Variants in SYNCRIP observed in about 807,000 individuals in gnomAD.
The protein encoded by SYNCRIP is heterogeneous nuclear ribonucleoprotein Q.
A neutral mutation model predicts 68.9 loss-of-function variants in SYNCRIP; 9 were observed. The ratio of observed to expected loss-of-function variants is 0.13; its 90% CI spans 0.08 to 0.23. SYNCRIP has a LOEUF of 0.23. Ranked by LOEUF, SYNCRIP falls within the 10% of genes least tolerant of loss-of-function variation. SYNCRIP has a pLI of 1.00. For missense variants in SYNCRIP, 414 were observed against 770.6 expected (o/e 0.54, Z 5.48); for synonymous variants, 258 against 254.0 (o/e 1.02, Z -0.15).
chr6:85,639,832 G>A (rs544676505), intron 4 of SYNCRIP, among the ~76,000 whole-genome samples: 63 of 152,190 alleles, frequency 4.1e-4, no homozygotes, highest in Non-Finnish European at 5.1e-4. Flanking sequence ...GAGGGCAGCA[G>A]GGTTAACATT....
At position 85,642,510 on chromosome 6, in the gene SYNCRIP, G is replaced by A. The variant is rs1439838602; in HGVS notation, c.-13+287C>T. Among the ~76,000 whole-genome samples the A allele has an allele frequency of 2.6e-5, 4 of 152,196 alleles. No homozygotes were observed. In the South Asian group the frequency reaches 6.2e-4, roughly 24 times the overall value. On this transcript the variant is annotated intron_variant, in intron 1 of 10. Transcript: ENST00000369622. ...ACTCCCGCGCCGCGGCGACCGCCAC[G>A]ACAGCACCAACTCTGAAGCCGCTCG...
At chr6:85,622,711 G>C (rs2128285362) in intron 7 of SYNCRIP, 24 bp from the exon 8 acceptor site, 2 of 1,587,960 alleles carry the variant, frequency 1.3e-6, no homozygotes, top group East Asian at 4.5e-5. Flanking sequence ...ACCATTCCAG[G>C]AAAATTAGAT....
chr6:85,633,794 G>A (rs1026715615), intron 6 of SYNCRIP, among the ~76,000 whole-genome samples: 7 of 151,942 alleles, frequency 4.6e-5, no homozygotes, highest in Admixed American at 1.3e-4. Context: ...ACAGGTGCAC[G>A]CTGCCTGGCT....
intron 6 of SYNCRIP, among the ~76,000 whole-genome samples, chr6:85,630,978 C>T (rs144422370): frequency 8.5e-4 from 130 of 152,238 alleles, no homozygotes; most frequent in South Asian, 2.5e-3. Flanking sequence ...GAAAAGAAAG[C>T]ATCAGTCATA....
intron 6 of SYNCRIP, among the ~76,000 whole-genome samples, chr6:85,624,805 T>C (rs948262490): frequency 6.6e-6 from 1 of 152,214 alleles, no homozygotes; most frequent in Non-Finnish European, 1.5e-5. Context: ...ATTAGTATTA[T>C]TTACAAACCC....
chr6:85,632,393 C>G (rs1807900850), intron 6 of SYNCRIP, among the ~76,000 whole-genome samples: 1 of 152,142 alleles, frequency 6.6e-6, no homozygotes, highest in African/African-American at 2.4e-5. Flanking sequence ...TTGGATAGAA[C>G]TGTAACAAGT....
intron 3 of SYNCRIP, 30 bp downstream of exon 3, chr6:85,640,413 ATTT>A: frequency 6.3e-7 from 1 of 1,584,330 alleles, no homozygotes; most frequent in Non-Finnish European, 8.6e-7. Flanking sequence ...AACTACTCAA[ATTT>A]TTTAATTTTC....
At chr6:85,633,692 CCT>C (rs1491251334) in intron 6 of SYNCRIP, among the ~76,000 whole-genome samples, 4 of 151,986 alleles carry the variant, frequency 2.6e-5, no homozygotes, top group South Asian at 4.1e-4. Flanking sequence ...TTTTTTTCCC[CCT>C]TTTTGGTTTT....
intron 4 of SYNCRIP, among the ~76,000 whole-genome samples, chr6:85,637,948 T>C (rs1005600117): frequency 1.3e-5 from 2 of 152,170 alleles, no homozygotes; most frequent in African/African-American, 2.4e-5. Flanking sequence ...AAAACGACTT[T>C]TAAAAACTTT....
intron 6 of SYNCRIP, among the ~76,000 whole-genome samples, chr6:85,630,690 A>AT (rs148270010): frequency 0.01 from 1,570 of 152,338 alleles, 25 homozygotes; most frequent in African/African-American, 0.035. Context: ...AATGGAGGCT[A>AT]TTAAAACAGC....
intron 8 of SYNCRIP, among the ~76,000 whole-genome samples, chr6:85,620,909 C>G (rs1379481166): frequency 6.6e-6 from 1 of 152,004 alleles, no homozygotes; most frequent in African/African-American, 2.4e-5. Context: ...AATACCATGC[C>G]CTCTAAGAGA....
intron 6 of SYNCRIP, among the ~76,000 whole-genome samples, chr6:85,635,433 A>G (rs1459165150): frequency 6.6e-6 from 1 of 152,052 alleles, no homozygotes; most frequent in Admixed American, 6.6e-5. Flanking sequence ...CTTCCATCAT[A>G]CTCAATTATG....
In SYNCRIP at chr6:85,614,279, GT is replaced by G. The variant is rs1422948300; in HGVS notation, c.*476del. 4.7e-5 allele frequency: 46 copies of G among 985,750 alleles called. No homozygotes were observed. Among genetic ancestry groups the G allele is most frequent in the Non-Finnish European group, 5.3e-5 (44 of 829,900 alleles). 61.1% of individuals were successfully genotyped at this position (985,750 alleles called of 1,614,324 possible). ...ATAAAGAATACAAGTAGCCAAAATG[GT>G]TTTGAAAACCCAAATTAGGTCAAAG... On this transcript the variant is annotated 3_prime_UTR_variant, in exon 11 of 11. Transcript: ENST00000369622.
At position 85,637,082 on chromosome 6, in the gene SYNCRIP, T is replaced by G; in HGVS notation, c.551A>C (p.Lys184Thr). The G allele has an allele frequency of 3.7e-6, 6 of 1,614,054 alleles. No homozygotes were observed. Among genetic ancestry groups the G allele is most frequent in the Non-Finnish European group, 5.1e-6 (6 of 1,180,014 alleles). Residue 184 changes from lysine (K) to threonine (T), a missense_variant, in exon 6 of 11, where the codon AAA becomes ACA. Coordinates refer to ENST00000369622, the MANE Select transcript of SYNCRIP (RefSeq NM_006372.5). The stretch of plus-strand genomic sequence containing the variant: ...ACGAAGATCCCATATAGGTCCAGCT[T>G]TCTCAAATAATGGAACAAGTTCATC... ...FEDELVPLFE[K>T]AGPIWDLRLM...
downstream of SYNCRIP, chr6:85,611,860 GA>G (rs1805274331): frequency 6.6e-6 from 1 of 152,522 alleles, no homozygotes; most frequent in African/African-American, 2.4e-5. Flanking sequence ...TATGATTTAT[GA>G]AAAAACTTCA....
intron 6 of SYNCRIP, among the ~76,000 whole-genome samples, chr6:85,629,342 A>G (rs1026191983): frequency 6.6e-6 from 1 of 152,068 alleles, no homozygotes; most frequent in African/African-American, 2.4e-5. Flanking sequence ...AAGAACCTGT[A>G]TATCTGAAGT....
chr6:85,638,380 C>CAAAAAAAAAAAA lies in SYNCRIP; in HGVS notation c.376-1036_376-1025dup, dbSNP rs71003001. Among the ~76,000 whole-genome samples, 55 of 42,850 alleles carry CAAAAAAAAAAAA rather than the reference C, an allele frequency of 1.3e-3. 4 individuals carry two copies. Among genetic ancestry groups the CAAAAAAAAAAAA allele is most frequent in the African/African-American group, 2.8e-3 (28 of 10,092 alleles). The allele number at this position is 42,850 out of a possible 152,430, so 28.1% of individuals were successfully genotyped here. A position where few individuals can be genotyped will look rare whatever the true frequency, so the allele number is the denominator to read the frequency against. On this transcript the variant is annotated intron_variant, in intron 4 of 10. Transcript: ENST00000369622. ...TGGATGACAGAGCAAGACCCCATCT[C>CAAAAAAAAAAAA]AAAAAAAAAAAAAAAAAAAAAAAAA...
At chr6:85,642,031 G>A (rs1261668005) in intron 1 of SYNCRIP, among the ~76,000 whole-genome samples, 6 of 152,100 alleles carry the variant, frequency 3.9e-5, no homozygotes, top group Admixed American at 2.0e-4. Context: ...CGTGCTCTGC[G>A]CCTTCCAATG....
intron 10 of SYNCRIP, among the ~76,000 whole-genome samples, chr6:85,617,197 T>TA (rs77973702): frequency 0.036 from 4,473 of 122,864 alleles, 157 homozygotes; most frequent in African/African-American, 0.1. Flanking sequence ...AGTTAAAACT[T>TA]AAAAAAAAAA....
Sources: allele counts gnomAD v4.1 joint callset (sites outside exome capture counted in the v4.1 genomes callset), GRCh38; gene constraint gnomAD v4.1.1; transcripts MANE v1.5; gene names NCBI Gene and HGNC (gene_info 2026-07-23, HGNC 2026-07-21).